Variants in CNTNAP2 observed in about 807,000 individuals in gnomAD.
CNTNAP2 encodes the protein contactin associated protein 2, also known as contactin-associated protein-like 2.
Under a neutral mutation model 155.2 loss-of-function variants are expected in CNTNAP2, and 98 were observed. The ratio of observed to expected loss-of-function variants is 0.63; its 90% CI spans 0.54 to 0.75. CNTNAP2 has a LOEUF of 0.75. Among genes scored for constraint, CNTNAP2 ranks in the 30% least tolerant of loss-of-function variants. CNTNAP2 has a pLI of 0.00. For missense variants in CNTNAP2, 1,727 were observed against 1,688.1 expected (o/e 1.02, Z -0.40); for synonymous variants, 651 against 631.2 (o/e 1.03, Z -0.47).
At chr7:147,344,070 G>A (rs1795807019) in intron 9 of CNTNAP2, among the ~76,000 whole-genome samples, 2 of 152,112 alleles carry the variant, frequency 1.3e-5, no homozygotes, top group Admixed American at 6.5e-5. Flanking sequence ...GAGGTTAAGC[G>A]ACTCTGAAAA....
intron 1 of CNTNAP2, among the ~76,000 whole-genome samples, chr7:146,742,569 G>A (rs915076774): frequency 2.6e-5 from 4 of 152,184 alleles, no homozygotes; most frequent in East Asian, 1.9e-4. Context: ...TCCTTAGAAC[G>A]GACTGAAGAG....
chr7:146,368,214 A>G (rs961635998), intron 1 of CNTNAP2, among the ~76,000 whole-genome samples: 1 of 152,164 alleles, frequency 6.6e-6, no homozygotes, highest in Non-Finnish European at 1.5e-5. Context: ...TATATTCAGA[A>G]TCCCAGGCAA....
intron 10 of CNTNAP2, among the ~76,000 whole-genome samples, chr7:147,422,142 T>TAGTATGTATATATACAGTATATATAC (rs1563198634): frequency 8.1e-5 from 12 of 148,138 alleles, no homozygotes; most frequent in African/African-American, 1.5e-4. Flanking sequence ...AGTATATATA[T>TAGTATGTATATATACAGTATATATAC]ATAGTATGTA....
intron 8 of CNTNAP2, among the ~76,000 whole-genome samples, chr7:147,265,384 T>C (rs548069041): frequency 2.6e-5 from 4 of 152,164 alleles, no homozygotes; most frequent in Admixed American, 2.6e-4. Flanking sequence ...ACACCAGCTG[T>C]GGAAGATCGT....
At chr7:148,101,950 CAA>C in intron 15 of CNTNAP2, among the ~76,000 whole-genome samples, 1 of 151,918 alleles carries the variant, frequency 6.6e-6, no homozygotes, top group Admixed American at 6.6e-5. Context: ...ATGTCTAAGG[CAA>C]AAAAAGAGGA....
At chr7:148,334,907 G>C (rs1331512411) in intron 21 of CNTNAP2, among the ~76,000 whole-genome samples, 1 of 152,190 alleles carries the variant, frequency 6.6e-6, no homozygotes, top group Non-Finnish European at 1.5e-5. Flanking sequence ...TCTAATTTTA[G>C]AGGGCAGTGT....
intron 21 of CNTNAP2, among the ~76,000 whole-genome samples, chr7:148,270,901 A>G (rs1796766146): frequency 6.6e-6 from 1 of 152,196 alleles, no homozygotes; most frequent in Admixed American, 6.5e-5. Flanking sequence ...CAAAATGGGG[A>G]ACACAAATGC....
At chr7:148,350,867 C>G (rs181851123) in intron 21 of CNTNAP2, among the ~76,000 whole-genome samples, 1 of 152,212 alleles carries the variant, frequency 6.6e-6, no homozygotes, top group African/African-American at 2.4e-5. Flanking sequence ...GTGAGGTGTC[C>G]CCAGCCCTTT....
At chr7:147,096,584 T>C (rs1344475247) in intron 4 of CNTNAP2, among the ~76,000 whole-genome samples, 2 of 152,256 alleles carry the variant, frequency 1.3e-5, no homozygotes, top group African/African-American at 4.8e-5. Context: ...ATGATATTTA[T>C]AACCAGCCAG....
intron 3 of CNTNAP2, among the ~76,000 whole-genome samples, chr7:146,946,869 T>C (rs915393486): frequency 4.6e-5 from 7 of 152,028 alleles, no homozygotes; most frequent in Admixed American, 3.3e-4. Context: ...AAAAAGATCA[T>C]TATTTAAAAC....
chr7:146,925,456 A>G (rs926693257), intron 3 of CNTNAP2, among the ~76,000 whole-genome samples: 1 of 152,116 alleles, frequency 6.6e-6, no homozygotes, highest in Non-Finnish European at 1.5e-5. Flanking sequence ...TGTAGTGGAA[A>G]CATCCAAATA....
At chr7:146,160,933 T>C (rs1183491700) in intron 1 of CNTNAP2, among the ~76,000 whole-genome samples, 1 of 152,094 alleles carries the variant, frequency 6.6e-6, no homozygotes, top group Admixed American at 6.6e-5. Flanking sequence ...CTCTGATGAA[T>C]ATCGATGCAA....
intron 10 of CNTNAP2, among the ~76,000 whole-genome samples, chr7:147,461,447 G>A (rs1024878942): frequency 2.0e-5 from 3 of 151,812 alleles, no homozygotes; most frequent in South Asian, 4.2e-4. Context: ...GCAATCAGAC[G>A]ATTTTTATGT....
chr7:147,950,158 C>A, intron 14 of CNTNAP2, among the ~76,000 whole-genome samples: 1 of 151,768 alleles, frequency 6.6e-6, no homozygotes, highest in South Asian at 2.1e-4. Flanking sequence ...CAGTTAACTA[C>A]CAAGTATAGT....
chr7:148,290,871 G>C (rs754809745), intron 21 of CNTNAP2, among the ~76,000 whole-genome samples: 1 of 152,166 alleles, frequency 6.6e-6, no homozygotes, highest in Non-Finnish European at 1.5e-5. Flanking sequence ...CAATCGTTAA[G>C]TACAGAGAGC....
intron 1 of CNTNAP2, among the ~76,000 whole-genome samples, chr7:146,481,914 C>A (rs1006084815): frequency 6.6e-6 from 1 of 151,922 alleles, no homozygotes; most frequent in African/African-American, 2.4e-5. Context: ...TGTAAGTGTC[C>A]CAGTTTAATA....
At chr7:146,934,126 A>C (rs984257060) in intron 3 of CNTNAP2, among the ~76,000 whole-genome samples, 74 of 152,178 alleles carry the variant, frequency 4.9e-4, no homozygotes, top group Non-Finnish European at 7.9e-4. Flanking sequence ...ATGCTGCTAT[A>C]AAGACACATG....
At chr7:146,905,890 G>A (rs1009809216) in intron 3 of CNTNAP2, among the ~76,000 whole-genome samples, 1 of 152,334 alleles carries the variant, frequency 6.6e-6, no homozygotes, top group Non-Finnish European at 1.5e-5. Context: ...GAGGTACCGG[G>A]TTCATCTCAC....
At chr7:147,824,165 G>C (rs1055724511) in intron 13 of CNTNAP2, among the ~76,000 whole-genome samples, 2 of 152,156 alleles carry the variant, frequency 1.3e-5, no homozygotes, top group Non-Finnish European at 2.9e-5. Flanking sequence ...AGGTTTAACT[G>C]TGTAGTCTCT....
Sources: allele counts gnomAD v4.1 joint callset (sites outside exome capture counted in the v4.1 genomes callset), GRCh38; gene constraint gnomAD v4.1.1; transcripts MANE v1.5; gene names NCBI Gene and HGNC (gene_info 2026-07-23, HGNC 2026-07-21).